LINGO2: variants seen among roughly 807,000 people sequenced by gnomAD.
LINGO2 encodes the protein leucine-rich repeat and immunoglobulin-like domain-containing nogo receptor-interacting protein 2.
A neutral mutation model predicts 30.6 loss-of-function variants in LINGO2; 14 were observed. The ratio of observed to expected loss-of-function variants is 0.46; its 90% CI spans 0.30 to 0.72. LINGO2 has a LOEUF of 0.72. Ranked by LOEUF, LINGO2 falls within the 30% of genes least tolerant of loss-of-function variation. LINGO2 has a pLI of 0.07. For missense variants in LINGO2, 729 were observed against 751.7 expected, an observed-to-expected ratio of 0.97 and a Z score of 0.35; for synonymous variants, 317 against 288.5, an observed-to-expected ratio of 1.10 and a Z score of -1.00.
chr9:28,370,765 T>C (rs1209857437), intron 3 of LINGO2, among the ~76,000 whole-genome samples: 1 of 152,204 alleles, frequency 6.6e-6, no homozygotes, highest in Middle Eastern at 3.2e-3. Context: ...GGACGCCTCA[T>C]GTTAAGATGG....
chr9:28,907,117 G>A, the LINGO2 span, among the ~76,000 whole-genome samples: 1 of 151,782 alleles, frequency 6.6e-6, no homozygotes, highest in African/African-American at 2.4e-5. Context: ...TGATTTTATG[G>A]AGCTCTTGAT....
chr9:28,028,355 G>T (rs7848817), intron 4 of LINGO2, among the ~76,000 whole-genome samples: 1 of 151,976 alleles, frequency 6.6e-6, no homozygotes, highest in Non-Finnish European at 1.5e-5. Flanking sequence ...TTTTCAAGCT[G>T]CTCTACCTGT....
intron 2 of LINGO2, among the ~76,000 whole-genome samples, chr9:28,394,065 T>C (rs1301821273): frequency 6.6e-6 from 1 of 152,116 alleles, no homozygotes; most frequent in Non-Finnish European, 1.5e-5. Context: ...ATAAATTTCC[T>C]GCAATATAAT....
rs186456113 is a variant in LINGO2 at position 28,145,392 on chromosome 9, C to T, written c.-86-132987G>A. Among the ~76,000 whole-genome samples the T allele has an allele frequency of 1.2e-3, 188 of 152,230 alleles. 2 individuals carry two copies. Among genetic ancestry groups the T allele is most frequent in the African/African-American group, 3.9e-3 (160 of 41,536 alleles). The stretch of plus-strand genomic sequence containing the variant: ...TAGGCAATTCTCTAATGTTGCAAAA[C>T]GGGAAGTAGCCTATAAAATAATATG... On this transcript the variant is annotated intron_variant, in intron 4 of 5. Coordinates refer to ENST00000379992, the Ensembl canonical transcript of LINGO2.
the LINGO2 span, among the ~76,000 whole-genome samples, chr9:29,123,465 A>G: frequency 6.6e-6 from 1 of 152,056 alleles, no homozygotes; most frequent in Admixed American, 6.6e-5. Flanking sequence ...CTAAAGAATT[A>G]TGTTTTACCC....
intron 4 of LINGO2, among the ~76,000 whole-genome samples, chr9:28,193,263 C>T (rs1819885458): frequency 6.6e-6 from 1 of 152,120 alleles, no homozygotes. Flanking sequence ...TTTACCAAGG[C>T]TGCTTTTCAT....
the LINGO2 span, among the ~76,000 whole-genome samples, chr9:28,833,104 C>T: frequency 6.6e-6 from 1 of 152,104 alleles, no homozygotes; most frequent in African/African-American, 2.4e-5. Context: ...AGACCTCATC[C>T]TCCAAAGCAC....
chr9:28,291,123 C>T (rs942569639), intron 4 of LINGO2, among the ~76,000 whole-genome samples: 2 of 152,172 alleles, frequency 1.3e-5, no homozygotes, highest in Non-Finnish European at 2.9e-5. Flanking sequence ...CAGTTCCCAG[C>T]TTACCTATAG....
At chr9:28,177,362 A>G (rs1339127898) in intron 4 of LINGO2, among the ~76,000 whole-genome samples, 6 of 152,254 alleles carry the variant, frequency 3.9e-5, no homozygotes, top group South Asian at 2.1e-4. Context: ...CAGCCCAGCC[A>G]TTTTCCAAAA....
chr9:27,992,386 A>G (rs1587634760), intron 5 of LINGO2, among the ~76,000 whole-genome samples: 1 of 152,172 alleles, frequency 6.6e-6, no homozygotes, highest in African/African-American at 2.4e-5. Context: ...ATGCACTTAC[A>G]TAAAATTATT....
At chr9:28,245,468 G>T (rs1313364494) in intron 4 of LINGO2, among the ~76,000 whole-genome samples, 1 of 152,008 alleles carries the variant, frequency 6.6e-6, no homozygotes, top group Non-Finnish European at 1.5e-5. Flanking sequence ...TCAGGCAAGA[G>T]AAATAAAAAA....
chr9:28,418,001 C>T (rs1443145069), intron 2 of LINGO2, among the ~76,000 whole-genome samples: 2 of 152,138 alleles, frequency 1.3e-5, no homozygotes, highest in Non-Finnish European at 2.9e-5. Context: ...CATTCTTAGA[C>T]TTGAAGCACT....
intron 2 of LINGO2, among the ~76,000 whole-genome samples, chr9:28,474,315 C>A (rs549268769): frequency 3.9e-5 from 6 of 152,092 alleles, no homozygotes; most frequent in Admixed American, 1.3e-4. Context: ...GAATTGTACA[C>A]AGGTCGGTAA....
chr9:28,228,612 G>T (rs1288188194), intron 4 of LINGO2, among the ~76,000 whole-genome samples: 2 of 151,794 alleles, frequency 1.3e-5, no homozygotes, highest in African/African-American at 4.8e-5. Flanking sequence ...AGTAATATTT[G>T]AATATTCAAG....
chr9:28,291,189 T>C (rs531355737), intron 4 of LINGO2, among the ~76,000 whole-genome samples: 2 of 152,318 alleles, frequency 1.3e-5, no homozygotes, highest in African/African-American at 4.8e-5. Context: ...TGAATCTTAG[T>C]GTTGGGGTTC....
chr9:28,746,251 C>G, the LINGO2 span, among the ~76,000 whole-genome samples: 4 of 151,966 alleles, frequency 2.6e-5, no homozygotes, highest in Non-Finnish European at 5.9e-5. Flanking sequence ...TGATTCATAA[C>G]TCCCCCTTAG....
At chr9:29,175,455 A>T in the LINGO2 span, among the ~76,000 whole-genome samples, 1 of 152,064 alleles carries the variant, frequency 6.6e-6, no homozygotes, top group African/African-American at 2.4e-5. Flanking sequence ...TGTAACATTA[A>T]ATAGTGGCAT....
At chr9:28,479,750 C>T (rs1390150605) in intron 1 of LINGO2, among the ~76,000 whole-genome samples, 1 of 149,884 alleles carries the variant, frequency 6.7e-6, no homozygotes, top group African/African-American at 2.4e-5. Context: ...GTGTCTAGTT[C>T]CTTTAAAGAA....
intron 4 of LINGO2, among the ~76,000 whole-genome samples, chr9:28,098,462 C>T (rs1826313710): frequency 1.3e-5 from 2 of 152,188 alleles, no homozygotes; most frequent in South Asian, 4.1e-4. Context: ...TAAACCTGCA[C>T]CACAAATTTG....
Sources: allele counts gnomAD v4.1 joint callset (sites outside exome capture counted in the v4.1 genomes callset), GRCh38; gene constraint gnomAD v4.1.1; transcripts MANE v1.5; gene names NCBI Gene and HGNC (gene_info 2026-07-23, HGNC 2026-07-21).